Variants in ZKSCAN7 observed in about 807,000 individuals in gnomAD.
ZKSCAN7 encodes zinc finger with KRAB and SCAN domains 7.
A neutral mutation model predicts 65.3 loss-of-function variants in ZKSCAN7; 38 were observed. That is an observed-to-expected ratio of 0.58 (90% CI 0.45 to 0.76). The LOEUF is 0.76. Among genes scored for constraint, ZKSCAN7 ranks in the 30% least tolerant of loss-of-function variants. ZKSCAN7 has a pLI of 0.00. For synonymous variants in ZKSCAN7, 321 were observed against 321.0 expected (o/e 1.00, Z 0.00); for missense variants, 815 against 913.3 (o/e 0.89, Z 1.39).
chr3:44,565,338 TC>T, intron 2 of ZKSCAN7, 148 bp from the exon 3 acceptor site: 2 of 666,124 alleles, frequency 3.0e-6, no homozygotes, highest in Non-Finnish European at 2.3e-6. Flanking sequence ...GTTTTTTTTT[TC>T]CCCCAGTAGA....
intron 5 of ZKSCAN7, among the ~76,000 whole-genome samples, chr3:44,579,423 C>T (rs375732387): frequency 6.6e-6 from 1 of 152,182 alleles, no homozygotes; most frequent in Non-Finnish European, 1.5e-5. Context: ...TTGGAGAGGC[C>T]CTCTCGCCTC....
intron 5 of ZKSCAN7, chr3:44,580,131 T>TG: frequency 1.9e-6 from 3 of 1,549,414 alleles, no homozygotes; most frequent in East Asian, 2.5e-5. Flanking sequence ...TTCAATCACC[T>TG]GGGACCTCCT....
intron 2 of ZKSCAN7, among the ~76,000 whole-genome samples, chr3:44,561,519 C>T (rs564319896): frequency 6.6e-6 from 1 of 152,216 alleles, no homozygotes; most frequent in Non-Finnish European, 1.5e-5. Flanking sequence ...AGACTTAACT[C>T]ATTTCAGCAT....
At position 44,570,925 on chromosome 3, in the gene ZKSCAN7, A is replaced by G. The variant is rs1169036253; in HGVS notation, c.1815A>G (p.Lys605=). Residue 605 remains lysine (K), a synonymous_variant, in exon 6 of 6, where the codon AAA becomes AAG. Transcript: ENST00000426540. The stretch of plus-strand genomic sequence containing the variant: ...ATGAGCGAATTCATACTGGAGAAAA[A>G]CCTTTTGAATGTAGCGAGTGTGGTA... The part of the protein sequence containing the change: ...IEHERIHTGE[K]PFECSECGKA... 6 of 1,613,828 alleles carry G rather than the reference A, an allele frequency of 3.7e-6. No individual in the cohort carries two copies. The highest frequency in any genetic ancestry group is 5.1e-6 in the Non-Finnish European group (6 of 1,179,976).
chr3:44,579,916 C>A, intron 5 of ZKSCAN7: 1 of 1,608,400 alleles, frequency 6.2e-7, no homozygotes, highest in African/African-American at 1.3e-5. Flanking sequence ...ACCTCCTGTC[C>A]AGTGACTTGG....
Position 44,565,544 on chromosome 3 carries a change from A to G in ZKSCAN7, c.481A>G (p.Thr161Ala). ...MHFEETTALG[T>A]TKESPPTSPL... is the part of the protein sequence containing the mutation. ...TTTTGAGGAGACAACAGCTCTGGGT[A>G]CAACAAAGGAATCTCCTCCTACCTC... The change falls in exon 3 of 6, where the codon ACA becomes GCA. Residue 161 changes from threonine (T) to alanine (A), a missense_variant. This residue lies in a region of ZKSCAN7 where 227 missense variants were observed against 253.3 expected (regional missense o/e 0.90). Transcript: ENST00000426540. The G allele has an allele frequency of 1.2e-6, 2 of 1,613,038 alleles. No individual in the cohort carries two copies. Among genetic ancestry groups the G allele is most frequent in the Non-Finnish European group, 1.7e-6 (2 of 1,179,592 alleles).
Position 44,557,183 on chromosome 3 carries a change from T to C in ZKSCAN7, c.136T>C (p.Tyr46His), listed in dbSNP as rs770603520. 2 of 1,614,242 alleles carry C rather than the reference T, an allele frequency of 1.2e-6. No homozygotes were observed. The highest frequency in any genetic ancestry group is 1.7e-6 in the Non-Finnish European group (2 of 1,180,034). ...GCAGGGCAGCAGTCTCCAGAAGAAC[T>C]ATCCTCCTGTCTGCGAAATCTTCCG... is the stretch of plus-strand genomic sequence containing the variant. ...WGQGSSLQKNYPPVCEIFRLH... is the reference protein window; with the variant it reads ...WGQGSSLQKNHPPVCEIFRLH... The change falls in exon 2 of 6, where the codon TAT becomes CAT. Residue 46 changes from tyrosine to histidine, a missense_variant. Around this residue, in one of 3 missense-constraint regions of ZKSCAN7, gnomAD observed 227 missense variants for 253.3 expected, o/e 0.90. Transcript: ENST00000426540.
chr3:44,555,518 G>C (rs1296414760), intron 1 of ZKSCAN7, 37 bp downstream of exon 1: 4 of 152,272 alleles, frequency 2.6e-5, no homozygotes, highest in African/African-American at 9.7e-5. Flanking sequence ...TAACACGAAA[G>C]GTAGATCGCT....
chr3:44,583,119 G>A (rs1700127553), exon 6 of ZKSCAN7: 1 of 298,022 alleles, frequency 3.4e-6, no homozygotes, highest in Admixed American at 4.5e-5. Flanking sequence ...GTAGAGACGG[G>A]GTTTCACCAT....
At chr3:44,580,041 C>T (rs768044737) in intron 5 of ZKSCAN7, 208 of 1,579,434 alleles carry the variant, frequency 1.3e-4, no homozygotes, top group Non-Finnish European at 1.7e-4. Context: ...GCGGCCCTGG[C>T]GTGTGTCACT....
intron 5 of ZKSCAN7, among the ~76,000 whole-genome samples, chr3:44,581,357 C>T (rs1700083948): frequency 6.6e-6 from 1 of 151,342 alleles, no homozygotes; most frequent in African/African-American, 2.4e-5. Flanking sequence ...CACAGCTGCC[C>T]TCAGCGCCCC....
At chr3:44,566,399 G>T (rs1478288246) in intron 3 of ZKSCAN7, among the ~76,000 whole-genome samples, 1 of 152,144 alleles carries the variant, frequency 6.6e-6, no homozygotes, top group African/African-American at 2.4e-5. Flanking sequence ...GAAGGGGAAG[G>T]CGCCTTAGTT....
intron 5 of ZKSCAN7, among the ~76,000 whole-genome samples, chr3:44,581,295 G>A (rs1352116729): frequency 1.3e-5 from 2 of 150,116 alleles, no homozygotes; most frequent in African/African-American, 4.9e-5. Flanking sequence ...GCTTCCCGCT[G>A]CGGCCCGCCT....
intron 2 of ZKSCAN7, among the ~76,000 whole-genome samples, chr3:44,560,379 C>G (rs1237072759): frequency 6.6e-6 from 1 of 152,154 alleles, no homozygotes; most frequent in Non-Finnish European, 1.5e-5. Flanking sequence ...TTATCAGGAG[C>G]AAGCCACTTT....
chr3:44,556,140 G>C (rs1382018326), intron 1 of ZKSCAN7, among the ~76,000 whole-genome samples: 1 of 152,164 alleles, frequency 6.6e-6, no homozygotes, highest in Non-Finnish European at 1.5e-5. Context: ...GGTGCATTGA[G>C]TAAAAAAAGG....
intron 2 of ZKSCAN7, 24 bp downstream of exon 2, chr3:44,557,494 C>G (rs774765554): frequency 2.5e-6 from 4 of 1,612,754 alleles, no homozygotes; most frequent in Middle Eastern, 1.7e-4. Context: ...TCTAGAATGG[C>G]GGCCTGATGC....
intron 4 of ZKSCAN7, 72 bp downstream of exon 4, chr3:44,568,075 C>T (rs1346363836): frequency 9.0e-7 from 1 of 1,117,016 alleles, no homozygotes; most frequent in Non-Finnish European, 1.3e-6. Context: ...GGTCTCACCC[C>T]CAGGACTCTG....
chr3:44,564,688 T>A (rs1699578682), intron 2 of ZKSCAN7, among the ~76,000 whole-genome samples: 1 of 152,260 alleles, frequency 6.6e-6, no homozygotes, highest in Non-Finnish European at 1.5e-5. Context: ...TTCTGGGTAT[T>A]GCTTCAGCTG....
chr3:44,580,002 T>C (rs6779941), intron 5 of ZKSCAN7: 473,197 of 1,575,028 alleles, frequency 0.3, 77,877 homozygotes, highest in African/African-American at 0.41. Context: ...GGTGAAGTCC[T>C]GCTTGCTAGG....
Sources: gnomAD v4.1 joint callset for allele counts (sites outside exome capture counted in the v4.1 genomes callset) on GRCh38, gnomAD v4.1.1 for gene constraint, gnomAD v4.1.1 regional missense constraint, MANE v1.5 for transcripts, NCBI Gene and HGNC (gene_info 2026-07-23, HGNC 2026-07-21) for gene names.